NAV2: variants seen among roughly 807,000 people sequenced by gnomAD.
NAV2 encodes the protein neuron navigator 2.
A neutral mutation model predicts 223.2 loss-of-function variants in NAV2; 54 were observed. The observed-to-expected ratio is 0.24, with a 90% CI of 0.19 to 0.30. The LOEUF (loss-of-function observed/expected upper bound fraction) is 0.30, where lower values mean the gene tolerates loss of function less well. Ranked by LOEUF, NAV2 falls within the 10% of genes least tolerant of loss-of-function variation. The pLI, the probability that NAV2 is intolerant of heterozygous loss-of-function variation, is 1.00. For synonymous variants in NAV2, 1,279 were observed against 1,239.3 expected (o/e 1.03, Z -0.67); for missense variants, 2,806 against 3,147.5 (o/e 0.89, Z 2.60).
At chr11:20,066,777 AG>A (rs1377895425) in intron 20 of NAV2, among the ~76,000 whole-genome samples, 4 of 152,190 alleles carry the variant, frequency 2.6e-5, no homozygotes, top group African/African-American at 9.6e-5. Context: ...AAATTGGATT[AG>A]GACACCTAGC....
intron 1 of NAV2, among the ~76,000 whole-genome samples, chr11:19,743,914 G>A (rs753049641): frequency 6.6e-6 from 1 of 152,208 alleles, no homozygotes; most frequent in Non-Finnish European, 1.5e-5. Context: ...AGGCCCTAAT[G>A]CTAAGCCCAT....
At chr11:19,805,538 G>A (rs2058509780) in intron 1 of NAV2, among the ~76,000 whole-genome samples, 1 of 152,124 alleles carries the variant, frequency 6.6e-6, no homozygotes, top group African/African-American at 2.4e-5. Flanking sequence ...GGACTCAGAC[G>A]AATAACCCAT....
chr11:20,074,760 C>CCTTTTTTTTTT lies in NAV2; in HGVS notation c.4984-2792_4984-2791insCTTTTTTTTTT, dbSNP rs56895607. Among the ~76,000 whole-genome samples the CCTTTTTTTTTT allele has an allele frequency of 5.7e-3, 623 of 110,120 alleles. 24 individuals are homozygous for CCTTTTTTTTTT. Among genetic ancestry groups the CCTTTTTTTTTT allele is most frequent in the South Asian group, 0.01 (30 of 2,862 alleles). 72.2% of individuals were successfully genotyped at this position (110,120 alleles called of 152,430 possible). A position where few individuals can be genotyped will look rare whatever the true frequency, so the allele number is the denominator to read the frequency against. On this transcript the variant is annotated intron_variant, in intron 22 of 37. Coordinates refer to ENST00000349880, the MANE Select transcript of NAV2 (RefSeq NM_145117.5). ...ATTGGAGACTAGGATTGCAACTCTG[C>CCTTTTTTTTTT]TTTTTTTTTTTTTTTTGCTTTCCAT...
chr11:19,649,320 A>G (rs1210078958), intron 1 of NAV2, among the ~76,000 whole-genome samples: 1 of 152,192 alleles, frequency 6.6e-6, no homozygotes, highest in Non-Finnish European at 1.5e-5. Context: ...TTTCATAATA[A>G]GATTATTACT....
intron 1 of NAV2, among the ~76,000 whole-genome samples, chr11:19,699,569 G>A (rs1030439524): frequency 2.0e-5 from 3 of 152,170 alleles, no homozygotes; most frequent in Non-Finnish European, 2.9e-5. Flanking sequence ...TGGGCACCTC[G>A]TATATTTGGG....
At chr11:20,025,451 C>G (rs950693124) in intron 11 of NAV2, among the ~76,000 whole-genome samples, 1 of 152,166 alleles carries the variant, frequency 6.6e-6, no homozygotes, top group Non-Finnish European at 1.5e-5. Flanking sequence ...TCCAGAGGAG[C>G]CTTGAAGGAG....
intron 1 of NAV2, among the ~76,000 whole-genome samples, chr11:19,772,712 A>T (rs2055814658): frequency 6.6e-6 from 1 of 152,100 alleles, no homozygotes; most frequent in Non-Finnish European, 1.5e-5. Flanking sequence ...ACATCCCCCC[A>T]TCAGCCTTGC....
chr11:19,994,126 T>C (rs2051622366), intron 11 of NAV2, among the ~76,000 whole-genome samples: 1 of 152,202 alleles, frequency 6.6e-6, no homozygotes, highest in South Asian at 2.1e-4. Context: ...GGAAATTTCC[T>C]TTTCCTGCCA....
chr11:19,575,523 C>T (rs1402377682), intron 1 of NAV2, among the ~76,000 whole-genome samples: 3 of 152,222 alleles, frequency 2.0e-5, no homozygotes, highest in African/African-American at 7.2e-5. Context: ...CACACCTTTG[C>T]CTGCCTTGTC....
intron 1 of NAV2, among the ~76,000 whole-genome samples, chr11:19,586,980 A>C (rs972276279): frequency 1.3e-5 from 2 of 152,226 alleles, no homozygotes; most frequent in Non-Finnish European, 2.9e-5. Context: ...CCAGAGGTGG[A>C]GTCTACAGAG....
At chr11:19,838,783 C>A (rs1437444389) in intron 2 of NAV2, among the ~76,000 whole-genome samples, 5 of 152,094 alleles carry the variant, frequency 3.3e-5, no homozygotes, top group Non-Finnish European at 5.9e-5. Context: ...ACCACCATGC[C>A]CAGCTAATTT....
At chr11:19,655,633 T>C (rs978547250) in intron 1 of NAV2, among the ~76,000 whole-genome samples, 3 of 151,184 alleles carry the variant, frequency 2.0e-5, no homozygotes, top group African/African-American at 7.3e-5. Flanking sequence ...TAGCAAACTA[T>C]TGCAAGGACA....
At chr11:19,709,276 C>T (rs756668006), upstream of NAV2, among the ~76,000 whole-genome samples, 3 of 152,124 alleles carry the variant, frequency 2.0e-5, no homozygotes, top group Non-Finnish European at 2.9e-5. Context: ...GGCACGGTGG[C>T]TCACGCCTGT....
chr11:19,703,348 C>A (rs1170742832), intron 1 of NAV2, among the ~76,000 whole-genome samples: 1 of 152,206 alleles, frequency 6.6e-6, no homozygotes, highest in African/African-American at 2.4e-5. Flanking sequence ...ATCTGAGGCT[C>A]ACCAGGCTCC....
At chr11:19,850,789 C>T (rs571593984) in intron 3 of NAV2, among the ~76,000 whole-genome samples, 11 of 152,228 alleles carry the variant, frequency 7.2e-5, no homozygotes, top group African/African-American at 2.6e-4. Flanking sequence ...ATGTTGATAA[C>T]AAAAATGATG....
At chr11:19,898,167 A>G (rs544065659) in intron 6 of NAV2, among the ~76,000 whole-genome samples, 3 of 152,198 alleles carry the variant, frequency 2.0e-5, no homozygotes, top group East Asian at 1.9e-4. Context: ...TTACATGCAT[A>G]TAGAAGATAC....
At chr11:19,887,998 G>A (rs901823827) in intron 5 of NAV2, among the ~76,000 whole-genome samples, 24 of 151,422 alleles carry the variant, frequency 1.6e-4, no homozygotes, top group Admixed American at 1.5e-3. Flanking sequence ...CAGAGGAGCC[G>A]GGATGCACTC....
At chr11:19,766,190 G>T (rs2055206579) in intron 1 of NAV2, among the ~76,000 whole-genome samples, 1 of 152,222 alleles carries the variant, frequency 6.6e-6, no homozygotes, top group East Asian at 1.9e-4. Context: ...AACCCCTGTA[G>T]TACTACTCAT....
chr11:19,940,384 A>T (rs17540667), intron 8 of NAV2, among the ~76,000 whole-genome samples: 12,493 of 152,310 alleles, frequency 0.082, 738 homozygotes, highest in Non-Finnish European at 0.13. Flanking sequence ...TTTGGACACT[A>T]TACTATCGCA....
Sources: gnomAD v4.1 joint callset for allele counts (sites outside exome capture counted in the v4.1 genomes callset) on GRCh38, gnomAD v4.1.1 for gene constraint, MANE v1.5 for transcripts, NCBI Gene and HGNC (gene_info 2026-07-23, HGNC 2026-07-21) for gene names.